Variants in CSTF1 observed in about 807,000 individuals in gnomAD.
CSTF1 encodes the protein cleavage stimulation factor subunit 1, also known as CF-1 50 kDa subunit.
Under a neutral mutation model 40.9 loss-of-function variants are expected in CSTF1, and 2 were observed. The observed-to-expected ratio is 0.05, with a 90% CI of 0.02 to 0.15. The LOEUF (loss-of-function observed/expected upper bound fraction) is 0.15. CSTF1 is among the 10% of genes least tolerant of loss of function. The probability of loss-of-function intolerance (pLI) is 1.00; values close to 1 mark genes in which losing one functional copy is unlikely to be tolerated. For missense variants in CSTF1, 279 were observed against 558.9 expected, an observed-to-expected ratio of 0.50 and a Z score of 5.05; for synonymous variants, 218 against 207.2, an observed-to-expected ratio of 1.05 and a Z score of -0.45.
chr20:56,394,139 T>A (rs114034725), intron 1 of CSTF1, among the ~76,000 whole-genome samples: 97 of 152,358 alleles, frequency 6.4e-4, no homozygotes, highest in African/African-American at 2.0e-3. Flanking sequence ...CCTACTATGT[T>A]CATGTACTAC....
At chr20:56,398,909 C>T (rs1328610713) in intron 4 of CSTF1, 58 bp from the exon 5 acceptor site, 2 of 1,424,602 alleles carry the variant, frequency 1.4e-6, no homozygotes, top group East Asian at 2.3e-5. Flanking sequence ...TTCCACATTT[C>T]CTCTGGATTT....
chr20:56,393,878 C>G (rs1256845583), intron 1 of CSTF1, among the ~76,000 whole-genome samples: 1 of 152,130 alleles, frequency 6.6e-6, no homozygotes, highest in East Asian at 1.9e-4. Context: ...CAGGGAAAGC[C>G]TCTTCCCGCC....
intron 5 of CSTF1, among the ~76,000 whole-genome samples, chr20:56,403,255 G>A (rs1978545707): frequency 6.6e-6 from 1 of 151,830 alleles, no homozygotes; most frequent in Non-Finnish European, 1.5e-5. Flanking sequence ...GGCTCAAGCA[G>A]CCCTCCTTCC....
rs577560551 is a variant in CSTF1, at chr20:56,394,401, A to G, written c.-32-1120A>G. On this transcript the variant is annotated intron_variant, in intron 1 of 5. Transcript: ENST00000217109. The stretch of plus-strand genomic sequence containing the variant: ...AGGAGTTTCGAGACCAGCCTGGCCA[A>G]TATGGTGAAACCCCGTCTCTACTAA... 3.9e-5 allele frequency among the ~76,000 whole-genome samples: 6 copies of G among 152,330 alleles called. No homozygotes were observed. The South Asian group carries it at 1.0e-3, about 26-fold the overall frequency.
intron 1 of CSTF1, 136 bp downstream of exon 1, chr20:56,392,849 T>A (rs1419737011): frequency 6.6e-6 from 1 of 152,146 alleles, no homozygotes; most frequent in Non-Finnish European, 1.5e-5. Flanking sequence ...TTTCCTAAGT[T>A]GCCCGGCTTG....
At chr20:56,402,150 T>C (rs1286319119) in intron 5 of CSTF1, among the ~76,000 whole-genome samples, 1 of 151,994 alleles carries the variant, frequency 6.6e-6, no homozygotes, top group East Asian at 1.9e-4. Context: ...CTACTAAAAA[T>C]ACAAAAATTA....
In CSTF1 at chr20:56,404,832, T is replaced by G. The variant is rs1244952194; in HGVS notation, c.*1105T>G. 7.7e-6 allele frequency: 1 copy of G among 129,556 alleles called. No homozygotes were observed. Among genetic ancestry groups the G allele is most frequent in the Non-Finnish European group, 1.6e-5 (1 of 62,256 alleles). 8.0% of individuals were successfully genotyped at this position (129,556 alleles called of 1,614,324 possible). On this transcript the variant is annotated 3_prime_UTR_variant, in exon 6 of 6. Transcript: ENST00000217109. Reference sequence around the variant, plus strand: ...GGCTAATTTTTTTTTTTTTTTTTTTTTTTTTTGTATTTTTAGTAGAGCCAG... The same window carrying G: ...GGCTAATTTTTTTTTTTTTTTTTTTGTTTTTTGTATTTTTAGTAGAGCCAG...
rs16979884 is a variant in CSTF1, at chr20:56,403,979, G to A, written c.*252G>A. 0.12 allele frequency: 51,443 copies of A among 421,316 alleles called. 5,444 individuals carry two copies. Among genetic ancestry groups the A allele is most frequent in the African/African-American group, 0.38 (19,468 of 51,124 alleles). 26.1% of individuals were successfully genotyped at this position (421,316 alleles called of 1,614,324 possible). On this transcript the variant is annotated 3_prime_UTR_variant, in exon 6 of 6. Transcript: ENST00000217109. ...AGTGTGATTTTCATCGGTTTTGTAA[G>A]TACAGGACTTGCCGTTTCTTTTGAT...
chr20:56,393,254 C>G (rs1987365769), intron 1 of CSTF1, among the ~76,000 whole-genome samples: 1 of 151,388 alleles, frequency 6.6e-6, no homozygotes, highest in Admixed American at 6.6e-5. Context: ...GTAGGGGAAC[C>G]AAAAATGGCT....
Position 56,395,705 on chromosome 20 carries a change from G to A in CSTF1, c.153G>A (p.Leu51=), listed in dbSNP as rs750510602. ...QSVCAPSEQL[L]HLIKLGMEND... ...TGTGTGCACCCTCGGAGCAGCTCCTGCATCTCATCAAACTCGGTAGATTGT... is the reference window on the plus strand; with the variant it reads ...TGTGTGCACCCTCGGAGCAGCTCCTACATCTCATCAAACTCGGTAGATTGT... The change falls in exon 2 of 6, where the codon CTG becomes CTA. Residue 51 remains leucine (L), a synonymous_variant. Coordinates refer to ENST00000217109, the MANE Select transcript of CSTF1 (RefSeq NM_001324.3). 2.5e-6 allele frequency: 4 copies of A among 1,613,654 alleles called. No homozygotes were observed. Among genetic ancestry groups the A allele is most frequent in the African/African-American group, 1.3e-5 (1 of 74,906 alleles).
chr20:56,400,145 A>G (rs909811094), intron 5 of CSTF1, among the ~76,000 whole-genome samples: 1 of 152,222 alleles, frequency 6.6e-6, no homozygotes, highest in Non-Finnish European at 1.5e-5. Flanking sequence ...ATCACAAGAA[A>G]ACAGTATTGG....
rs944894956 is a variant in CSTF1 at position 56,397,581 on chromosome 20, G to A, written c.448-63G>A. 36 of 1,601,604 alleles carry A rather than the reference G, an allele frequency of 2.2e-5. No individual in the cohort carries two copies. Among genetic ancestry groups the A allele is most frequent in the Non-Finnish European group, 2.8e-5 (33 of 1,169,570 alleles). ...AAACCAGCTTTAGTTTGCTACAGTT[G>A]TGGATTGTGCACTTGGATTCAGACA... On this transcript the variant is annotated intron_variant, in intron 3 of 5. Coordinates refer to ENST00000217109, the MANE Select transcript of CSTF1 (RefSeq NM_001324.3). The surrounding 1 kb of genome is among the most constrained non-coding windows in gnomAD (Gnocchi z 4.4).
intron 1 of CSTF1, among the ~76,000 whole-genome samples, chr20:56,394,218 G>A (rs1003082733): frequency 2.0e-5 from 3 of 152,174 alleles, no homozygotes; most frequent in Admixed American, 6.5e-5. Context: ...TTAGCATGAC[G>A]GTATCTGGCA....
intron 2 of CSTF1, 145 bp downstream of exon 2, chr20:56,395,866 C>A: frequency 1.3e-6 from 1 of 798,698 alleles, no homozygotes. Context: ...AGCATGAGTT[C>A]AGGAAGTAGC....
chr20:56,403,789 A>C lies in CSTF1; in HGVS notation c.*62A>C. The C allele has an allele frequency of 2.0e-6, 3 of 1,532,508 alleles. No individual in the cohort carries two copies. Among genetic ancestry groups the C allele is most frequent in the African/African-American group, 1.4e-5 (1 of 73,644 alleles). 94.9% of individuals were successfully genotyped at this position (1,532,508 alleles called of 1,614,324 possible). On this transcript the variant is annotated 3_prime_UTR_variant, in exon 6 of 6. Coordinates refer to ENST00000217109, the MANE Select transcript of CSTF1 (RefSeq NM_001324.3). ...ACCCTCCTCCCCCACGTCCTGTCTC[A>C]GCTGCAGTCGTAAGTCCGTGCACCA...
At position 56,397,555 on chromosome 20, in the gene CSTF1, G is replaced by A; in HGVS notation, c.447+71G>A. On this transcript the variant is annotated intron_variant, in intron 3 of 5. Coordinates refer to ENST00000217109, the MANE Select transcript of CSTF1 (RefSeq NM_001324.3). The surrounding 1 kb of genome is among the most constrained non-coding windows in gnomAD (Gnocchi z 4.4). Reference sequence around the variant, plus strand: ...TTTTTGGAAAAATGAGAGTATGGTTGAAACCAGCTTTAGTTTGCTACAGTT... The same window carrying A: ...TTTTTGGAAAAATGAGAGTATGGTTAAAACCAGCTTTAGTTTGCTACAGTT... 1 of 1,599,644 alleles carries A rather than the reference G, an allele frequency of 6.3e-7. No homozygotes were observed. The highest frequency in any genetic ancestry group is 2.2e-5 in the East Asian group (1 of 44,758).
intron 5 of CSTF1, among the ~76,000 whole-genome samples, chr20:56,402,314 A>C (rs1309416092): frequency 6.6e-6 from 1 of 151,606 alleles, no homozygotes; most frequent in African/African-American, 2.4e-5. Flanking sequence ...CTCAAAAAAA[A>C]AAAAAAAAGA....
At chr20:56,393,679 G>T (rs6064389) in intron 1 of CSTF1, among the ~76,000 whole-genome samples, 64,129 of 148,252 alleles carry the variant, frequency 0.43, 14,845 homozygotes, top group East Asian at 0.84. Flanking sequence ...TCTAACACAA[G>T]TTATGGGACG....
intron 2 of CSTF1, chr20:56,395,943 C>G: frequency 2.1e-6 from 1 of 477,252 alleles, no homozygotes; most frequent in Non-Finnish European, 3.7e-6. Flanking sequence ...GCCTGAGGGT[C>G]TTTGTACACA....
Sources: gnomAD v4.1 joint callset for allele counts (sites outside exome capture counted in the v4.1 genomes callset) on GRCh38, gnomAD v4.1.1 for gene constraint, Gnocchi (gnomAD v3.1) non-coding constraint, MANE v1.5 for transcripts, NCBI Gene and HGNC (gene_info 2026-07-23, HGNC 2026-07-21) for gene names.